SAMD5: variants seen among roughly 807,000 people sequenced by gnomAD.
SAMD5 encodes sterile alpha motif domain containing 5.
Under a neutral mutation model 11.3 loss-of-function variants are expected in SAMD5, and 13 were observed. That is an observed-to-expected ratio of 1.15 (90% CI 0.75 to 1.83). SAMD5 has a LOEUF of 1.83. Ranked by LOEUF, SAMD5 falls within the 40% of genes most tolerant of loss-of-function variation. SAMD5 has a pLI of 0.00. For synonymous variants in SAMD5, 129 were observed against 111.3 expected (o/e 1.16, Z -1.00); for missense variants, 255 against 239.1 (o/e 1.07, Z -0.44).
intron 1 of SAMD5, among the ~76,000 whole-genome samples, chr6:147,544,649 G>A (rs1271156605): frequency 6.6e-6 from 1 of 152,156 alleles, no homozygotes; most frequent in African/African-American, 2.4e-5. Flanking sequence ...GCTCTGATGG[G>A]TGGAGGTTTT....
At chr6:147,630,042 C>T (rs906733438) in intron 1 of SAMD5, among the ~76,000 whole-genome samples, 3 of 151,482 alleles carry the variant, frequency 2.0e-5, no homozygotes, top group Non-Finnish European at 2.9e-5. Flanking sequence ...CTCCACCTCC[C>T]AGGTTCAAGC....
intron 1 of SAMD5, among the ~76,000 whole-genome samples, chr6:147,670,081 T>A (rs1790775362): frequency 6.6e-6 from 1 of 152,216 alleles, no homozygotes; most frequent in African/African-American, 2.4e-5. Context: ...TTACCAAGCA[T>A]GAAAACAGCA....
At chr6:147,939,157 A>G in the SAMD5 span, among the ~76,000 whole-genome samples, 2 of 152,206 alleles carry the variant, frequency 1.3e-5, no homozygotes, top group Admixed American at 1.3e-4. Context: ...ATTGGAAGAG[A>G]TGCCCAGGGC....
chr6:147,949,297 T>C, the SAMD5 span, among the ~76,000 whole-genome samples: 1 of 152,130 alleles, frequency 6.6e-6, no homozygotes, highest in Admixed American at 6.6e-5. Context: ...AGTGAACAAA[T>C]ACAGTATATT....
chr6:147,621,432 C>T (rs1789963584), intron 1 of SAMD5, among the ~76,000 whole-genome samples: 1 of 151,144 alleles, frequency 6.6e-6, no homozygotes, highest in Non-Finnish European at 1.5e-5. Flanking sequence ...ATGCCAGAGC[C>T]TTCAGCCTGG....
At chr6:147,652,606 C>T (rs1437258941) in intron 1 of SAMD5, among the ~76,000 whole-genome samples, 1 of 152,092 alleles carries the variant, frequency 6.6e-6, no homozygotes, top group East Asian at 1.9e-4. Flanking sequence ...GGCCAAGTGG[C>T]CTTCTGGGGC....
chr6:147,950,491 A>G, the SAMD5 span, among the ~76,000 whole-genome samples: 28 of 152,246 alleles, frequency 1.8e-4, no homozygotes, highest in Admixed American at 1.6e-3. Flanking sequence ...CTGGCTTGAT[A>G]CGTCCTCCTG....
the SAMD5 span, among the ~76,000 whole-genome samples, chr6:147,804,401 C>A: frequency 2.0e-5 from 3 of 152,148 alleles, no homozygotes; most frequent in Non-Finnish European, 4.4e-5. Context: ...TGAGCCACTG[C>A]GCCCAGCCTG....
At chr6:147,760,042 A>C in the SAMD5 span, among the ~76,000 whole-genome samples, 2 of 152,226 alleles carry the variant, frequency 1.3e-5, no homozygotes, top group Non-Finnish European at 2.9e-5. Context: ...GCATGGCTCA[A>C]TTATAAATGA....
intron 1 of SAMD5, among the ~76,000 whole-genome samples, chr6:147,558,455 C>T (rs933494831): frequency 1.3e-5 from 2 of 152,086 alleles, no homozygotes; most frequent in African/African-American, 2.4e-5. Flanking sequence ...GGATGGTATT[C>T]GGAGAACCTG....
chr6:147,681,792 C>A (rs530894715), intron 1 of SAMD5, among the ~76,000 whole-genome samples: 1 of 152,146 alleles, frequency 6.6e-6, no homozygotes, highest in East Asian at 1.9e-4. Context: ...CTAATTTTAC[C>A]CCATCACTTA....
the SAMD5 span, among the ~76,000 whole-genome samples, chr6:147,903,590 T>C: frequency 1.3e-4 from 20 of 152,242 alleles, no homozygotes; most frequent in African/African-American, 4.1e-4. Flanking sequence ...GATATTTCTG[T>C]AAACATTAGA....
chr6:147,576,346 G>A (rs1367382066), intron 1 of SAMD5, among the ~76,000 whole-genome samples: 1 of 152,010 alleles, frequency 6.6e-6, no homozygotes, highest in African/African-American at 2.4e-5. Context: ...TAGCCATTTC[G>A]GCTAGGCTGG....
the SAMD5 span, among the ~76,000 whole-genome samples, chr6:147,788,509 T>C: frequency 6.6e-6 from 1 of 152,262 alleles, no homozygotes. Context: ...AATATTTTTC[T>C]TTTTAAATAT....
the SAMD5 span, among the ~76,000 whole-genome samples, chr6:147,816,816 TAC>T: frequency 6.6e-6 from 1 of 152,174 alleles, no homozygotes; most frequent in Admixed American, 6.5e-5. Flanking sequence ...CAGAAAATGA[TAC>T]AGTCTCTACT....
the SAMD5 span, among the ~76,000 whole-genome samples, chr6:147,814,846 A>C: frequency 1.3e-5 from 2 of 152,176 alleles, no homozygotes; most frequent in South Asian, 4.1e-4. Context: ...CCAGAGGGAA[A>C]TGTAATTGGC....
At chr6:147,794,303 A>C in the SAMD5 span, among the ~76,000 whole-genome samples, 1 of 152,176 alleles carries the variant, frequency 6.6e-6, no homozygotes, top group Non-Finnish European at 1.5e-5. Context: ...GAGCTTCAAA[A>C]GTATTCAATA....
At chr6:147,746,744 G>GT in the SAMD5 span, among the ~76,000 whole-genome samples, 1 of 152,144 alleles carries the variant, frequency 6.6e-6, no homozygotes, top group Non-Finnish European at 1.5e-5. Context: ...AAAACTATGG[G>GT]TTGGTACTCA....
the SAMD5 span, among the ~76,000 whole-genome samples, chr6:147,841,919 T>G: frequency 3.3e-5 from 5 of 152,032 alleles, no homozygotes; most frequent in Admixed American, 6.6e-5. Flanking sequence ...GGAGGCTGGG[T>G]TATAGTTTAC....
Sources: gnomAD v4.1 joint callset for allele counts (sites outside exome capture counted in the v4.1 genomes callset) on GRCh38, gnomAD v4.1.1 for gene constraint, MANE v1.5 for transcripts, NCBI Gene and HGNC (gene_info 2026-07-23, HGNC 2026-07-21) for gene names.